CACNA1E: variants seen among roughly 807,000 people sequenced by gnomAD.
CACNA1E encodes calcium voltage-gated channel subunit alpha1 E.
Under a neutral mutation model 259.2 loss-of-function variants are expected in CACNA1E, and 40 were observed. The ratio of observed to expected loss-of-function variants is 0.15; its 90% CI spans 0.12 to 0.20. The LOEUF (loss-of-function observed/expected upper bound fraction) is 0.20, where lower values mean the gene tolerates loss of function less well. CACNA1E is among the 10% of genes least tolerant of loss of function. CACNA1E has a pLI of 1.00. For missense variants in CACNA1E, 1,874 were observed against 3,040.1 expected (o/e 0.62, Z 9.02); for synonymous variants, 1,104 against 1,138.5 (o/e 0.97, Z 0.61).
At chr1:181,433,157 T>A (rs537798099) in intron 2 of CACNA1E, among the ~76,000 whole-genome samples, 1 of 152,312 alleles carries the variant, frequency 6.6e-6, no homozygotes, top group South Asian at 2.1e-4. Flanking sequence ...TTGTCACCTT[T>A]TTTTCTTGAC....
chr1:181,538,581 A>G lies in CACNA1E; in HGVS notation c.512+27071A>G, dbSNP rs566746208. Among the ~76,000 whole-genome samples, 15 of 152,340 alleles carry G rather than the reference A, an allele frequency of 9.8e-5. No homozygotes were observed. In the East Asian group the frequency reaches 2.9e-3, roughly 29 times the overall value. Reference sequence around the variant, plus strand: ...TAGTCTAGTGGAAGAGAGTGACAAGAAGCAATTGCAATACATCACCGCACT... The same window carrying G: ...TAGTCTAGTGGAAGAGAGTGACAAGGAGCAATTGCAATACATCACCGCACT... On this transcript the variant is annotated intron_variant, in intron 3 of 47. Coordinates refer to ENST00000367573, the MANE Select transcript of CACNA1E (RefSeq NM_001205293.3).
chr1:181,735,533 C>G (rs552199617), intron 21 of CACNA1E, among the ~76,000 whole-genome samples: 2 of 152,316 alleles, frequency 1.3e-5, no homozygotes, highest in African/African-American at 4.8e-5. Context: ...GCCAGTTTAA[C>G]CTACACCGTG....
chr1:181,321,531 A>G (rs576962246), intron 1 of CACNA1E, among the ~76,000 whole-genome samples: 149 of 152,044 alleles, frequency 9.8e-4, no homozygotes, highest in African/African-American at 3.4e-3. Flanking sequence ...AGGCCTTCTC[A>G]CTCCTTGGCT....
chr1:181,800,700 T>TTTTC lies in CACNA1E; in HGVS notation c.*1869_*1872dup, dbSNP rs1257217867. 6.5e-6 allele frequency: 1 copy of TTTTC among 152,684 alleles called. No homozygotes were observed. Among genetic ancestry groups the TTTTC allele is most frequent in the Non-Finnish European group, 1.5e-5 (1 of 68,074 alleles). 9.5% of individuals were successfully genotyped at this position (152,684 alleles called of 1,614,324 possible). ...GGCAGGAGCAATCCAGAGTTGTTAT[T>TTTTC]TTTCTTAGAAGGAGCCTCTTTTCCC... On this transcript the variant is annotated 3_prime_UTR_variant, in exon 48 of 48. Coordinates refer to ENST00000367573, the MANE Select transcript of CACNA1E (RefSeq NM_001205293.3).
intron 6 of CACNA1E, among the ~76,000 whole-genome samples, chr1:181,583,985 A>G (rs1024652405): frequency 1.3e-5 from 2 of 152,122 alleles, no homozygotes; most frequent in African/African-American, 4.8e-5. Context: ...CTTCTGATCA[A>G]TGCTCTTCAT....
upstream of CACNA1E, among the ~76,000 whole-genome samples, chr1:181,481,725 C>G (rs532060538): frequency 2.6e-3 from 389 of 152,274 alleles, 1 homozygote; most frequent in African/African-American, 8.0e-3. Context: ...GCCCTCAGTT[C>G]AAACCACCAG....
intron 6 of CACNA1E, among the ~76,000 whole-genome samples, chr1:181,603,028 T>C (rs1572349669): frequency 6.6e-6 from 1 of 152,238 alleles, no homozygotes; most frequent in African/African-American, 2.4e-5. Flanking sequence ...TCAGGTGCCG[T>C]AAGAAGCCTT....
At chr1:181,336,507 T>C (rs994075776) in intron 1 of CACNA1E, among the ~76,000 whole-genome samples, 2 of 152,230 alleles carry the variant, frequency 1.3e-5, no homozygotes, top group East Asian at 3.8e-4. Context: ...TTAGAATTCG[T>C]ACTCTTTGTG....
intron 7 of CACNA1E, among the ~76,000 whole-genome samples, chr1:181,677,553 G>A (rs552008864): frequency 6.6e-6 from 1 of 152,186 alleles, no homozygotes; most frequent in African/African-American, 2.4e-5. Context: ...CACTTGGCTA[G>A]TGTGCAATTT....
At chr1:181,439,682 C>A (rs79114316) in intron 2 of CACNA1E, among the ~76,000 whole-genome samples, 1 of 152,098 alleles carries the variant, frequency 6.6e-6, no homozygotes, top group African/African-American at 2.4e-5. Flanking sequence ...AAGGCATTTC[C>A]CCACAAAAGG....
chr1:181,671,082 G>A (rs539832541), intron 7 of CACNA1E, among the ~76,000 whole-genome samples: 8 of 152,290 alleles, frequency 5.3e-5, no homozygotes, highest in African/African-American at 1.9e-4. Context: ...CACCCATGCT[G>A]GAGTGCAGCG....
chr1:181,556,873 C>T (rs996214275), intron 3 of CACNA1E, among the ~76,000 whole-genome samples: 3 of 152,138 alleles, frequency 2.0e-5, no homozygotes, highest in African/African-American at 4.8e-5. Flanking sequence ...GAAAGAGAAC[C>T]GAGGATAATT....
At chr1:181,364,670 G>GTAGT (rs1238388964) in intron 1 of CACNA1E, among the ~76,000 whole-genome samples, 1 of 152,196 alleles carries the variant, frequency 6.6e-6, no homozygotes, top group Non-Finnish European at 1.5e-5. Context: ...CTGTGCCCAG[G>GTAGT]TAGTTGATGT....
intron 2 of CACNA1E, among the ~76,000 whole-genome samples, chr1:181,427,523 C>G (rs1659378689): frequency 6.7e-6 from 1 of 148,352 alleles, no homozygotes; most frequent in South Asian, 2.2e-4. Flanking sequence ...TCTACCTCAA[C>G]TCCTCCTCCA....
rs568670785 is a variant in CACNA1E at position 181,793,915 on chromosome 1, A to G, written c.6027+122A>G. 4.8e-5 allele frequency: 52 copies of G among 1,083,466 alleles called. 1 individual carries two copies. In the South Asian group the frequency reaches 8.7e-4, roughly 18 times the overall value. 67.1% of individuals were successfully genotyped at this position (1,083,466 alleles called of 1,614,324 possible). On this transcript the variant is annotated intron_variant, in intron 45 of 47. Transcript: ENST00000367573. Reference sequence around the variant, plus strand: ...GCCCGCACCCCTTCCCTATAAATAAAACCTGGCTCATGGGTCGTCTCTAAT... The same window carrying G: ...GCCCGCACCCCTTCCCTATAAATAAGACCTGGCTCATGGGTCGTCTCTAAT...
At chr1:181,685,420 G>T (rs1166694839) in intron 7 of CACNA1E, among the ~76,000 whole-genome samples, 2 of 152,078 alleles carry the variant, frequency 1.3e-5, no homozygotes, top group Non-Finnish European at 2.9e-5. Context: ...ACCCAGTGTG[G>T]TCTATCTTCT....
At chr1:181,755,826 T>G in intron 28 of CACNA1E, 130 bp from the exon 29 acceptor site, 1 of 960,008 alleles carries the variant, frequency 1.0e-6, no homozygotes, top group Non-Finnish European at 1.5e-6. Flanking sequence ...TTTAATAGAA[T>G]TCCTTTTGCC....
chr1:181,317,909 G>C (rs1024822183), exon 1 of CACNA1E: 1 of 151,676 alleles, frequency 6.6e-6, no homozygotes, highest in Non-Finnish European at 1.5e-5. Flanking sequence ...TATTTATTTT[G>C]TTCTCCATTT....
intron 21 of CACNA1E, among the ~76,000 whole-genome samples, chr1:181,734,705 G>T (rs952471201): frequency 7.6e-6 from 1 of 131,104 alleles, no homozygotes; most frequent in African/African-American, 3.0e-5. Context: ...TCCCTGCCCT[G>T]ACCCCACACC....
Sources: allele counts gnomAD v4.1 joint callset (sites outside exome capture counted in the v4.1 genomes callset), GRCh38; gene constraint gnomAD v4.1.1; transcripts MANE v1.5; gene names NCBI Gene and HGNC (gene_info 2026-07-23, HGNC 2026-07-21).